The following VPS37A variants were observed in gnomAD, a reference collection of about 807,000 sequenced individuals.
VPS37A encodes the protein vacuolar protein sorting-associated protein 37A.
In VPS37A, 30 loss-of-function variants were observed where a neutral mutation model predicts 49.8. That is an observed-to-expected ratio of 0.60 (90% CI 0.45 to 0.82). The LOEUF is 0.82. VPS37A is among the 40% of genes least tolerant of loss of function. The pLI, the probability that VPS37A is intolerant of heterozygous loss-of-function variation, is 0.00. For synonymous variants in VPS37A, 195 were observed against 160.6 expected, an observed-to-expected ratio of 1.21 and a Z score of -1.62; for missense variants, 593 against 464.4, an observed-to-expected ratio of 1.28 and a Z score of -2.55.
At chr8:17,302,711 C>CG (rs1554504088), downstream of VPS37A, among the ~76,000 whole-genome samples, 2 of 68,652 alleles carry the variant, frequency 2.9e-5, no homozygotes, top group Admixed American at 1.1e-4. Context: ...TAACCCCCCC[C>CG]CCCCCGCTTT....
intron 4 of VPS37A, among the ~76,000 whole-genome samples, chr8:17,273,971 T>C (rs962935588): frequency 1.3e-5 from 2 of 152,168 alleles, no homozygotes; most frequent in Non-Finnish European, 2.9e-5. Context: ...GCCTGATCCA[T>C]ATAAACTCAC....
chr8:17,269,780 C>T (rs1017054671), intron 4 of VPS37A, among the ~76,000 whole-genome samples: 2 of 152,142 alleles, frequency 1.3e-5, no homozygotes, highest in African/African-American at 4.8e-5. Flanking sequence ...TTCCTAGTTT[C>T]TTGGTTTACT....
At chr8:17,267,015 C>G (rs147861600) in intron 2 of VPS37A, among the ~76,000 whole-genome samples, 4,157 of 152,148 alleles carry the variant, frequency 0.027, 203 homozygotes, top group African/African-American at 0.095. Flanking sequence ...TCGTGATACA[C>G]CCGCCTCGGC....
the VPS37A span, among the ~76,000 whole-genome samples, chr8:17,322,522 CA>C: frequency 6.6e-6 from 1 of 152,038 alleles, no homozygotes; most frequent in Admixed American, 6.6e-5. Flanking sequence ...AACTTTGCAA[CA>C]AATAAAAAAC....
At chr8:17,249,822 G>T (rs902870073) in intron 1 of VPS37A, among the ~76,000 whole-genome samples, 4 of 152,196 alleles carry the variant, frequency 2.6e-5, no homozygotes, top group Admixed American at 1.3e-4. Context: ...GTTTTACACT[G>T]CATGGGAGCC....
At chr8:17,304,526 T>G, downstream of VPS37A, 1 of 1,612,496 alleles carries the variant, frequency 6.2e-7, no homozygotes, top group Non-Finnish European at 8.5e-7. Context: ...AATCCTGTTA[T>G]AAAGAAAATA....
chr8:17,322,828 T>C, the VPS37A span, among the ~76,000 whole-genome samples: 1 of 152,116 alleles, frequency 6.6e-6, no homozygotes, highest in African/African-American at 2.4e-5. Flanking sequence ...CTCTCTCTTA[T>C]TTTAAAAATA....
At chr8:17,291,847 T>G (rs954995131) in intron 11 of VPS37A, among the ~76,000 whole-genome samples, 1 of 152,160 alleles carries the variant, frequency 6.6e-6, no homozygotes, top group South Asian at 2.1e-4. Context: ...GAGACTGTTA[T>G]GATTTCCATT....
intron 1 of VPS37A, among the ~76,000 whole-genome samples, chr8:17,256,717 G>A (rs1305804321): frequency 6.6e-6 from 1 of 151,656 alleles, no homozygotes; most frequent in South Asian, 2.1e-4. Flanking sequence ...CAATGGCACT[G>A]TCTCGGCTCA....
chr8:17,247,404 G>T, intron 1 of VPS37A, 35 bp downstream of exon 1: 6 of 951,834 alleles, frequency 6.3e-6, no homozygotes, highest in Non-Finnish European at 7.5e-6. Context: ...GGAGGAAAAA[G>T]TAGGGTGGGA....
intron 9 of VPS37A, 99 bp downstream of exon 9, chr8:17,280,542 T>C: frequency 9.1e-7 from 1 of 1,104,506 alleles, no homozygotes; most frequent in East Asian, 2.5e-5. Context: ...AAACCATTTA[T>C]GAGGTATCTG....
chr8:17,248,768 G>T (rs1811702681), intron 1 of VPS37A, among the ~76,000 whole-genome samples: 1 of 152,120 alleles, frequency 6.6e-6, no homozygotes. Context: ...TTGGTTCGTT[G>T]TCTCAATTGT....
the VPS37A span, among the ~76,000 whole-genome samples, chr8:17,309,720 T>G: frequency 6.6e-6 from 1 of 152,272 alleles, no homozygotes; most frequent in African/African-American, 2.4e-5. Context: ...GAGACCCCAC[T>G]TCACAGCCCA....
chr8:17,268,028 T>C (rs2150376644), intron 2 of VPS37A, among the ~76,000 whole-genome samples: 1 of 152,344 alleles, frequency 6.6e-6, no homozygotes, highest in South Asian at 2.1e-4. Context: ...ATAATTCATG[T>C]CCATATTTCA....
the VPS37A span, chr8:17,311,418 G>A: frequency 1.3e-6 from 2 of 1,528,722 alleles, no homozygotes; most frequent in Non-Finnish European, 1.8e-6. Context: ...AATAATGCTG[G>A]CAAGAAAACA....
chr8:17,273,889 G>C (rs1320917490), intron 4 of VPS37A, among the ~76,000 whole-genome samples: 3 of 152,134 alleles, frequency 2.0e-5, no homozygotes, highest in African/African-American at 2.4e-5. Flanking sequence ...TCAATGTAAA[G>C]GGAAGCATTT....
At chr8:17,268,164 A>C (rs747822649) in intron 2 of VPS37A, 94 bp from the exon 3 acceptor site, 2 of 840,244 alleles carry the variant, frequency 2.4e-6, no homozygotes, top group Non-Finnish European at 3.7e-6. Context: ...TGAAAATTTA[A>C]TTTACTTTTA....
the VPS37A span, among the ~76,000 whole-genome samples, chr8:17,311,283 T>C: frequency 5.9e-5 from 9 of 152,220 alleles, no homozygotes; most frequent in South Asian, 6.2e-4. Context: ...TTCAGTAGCA[T>C]TGACTTGAAA....
intron 9 of VPS37A, among the ~76,000 whole-genome samples, chr8:17,282,225 A>G (rs1247931939): frequency 6.6e-6 from 1 of 152,118 alleles, no homozygotes; most frequent in Non-Finnish European, 1.5e-5. Context: ...TATGTAGTTC[A>G]AAAATAGACT....
Sources: allele counts gnomAD v4.1 joint callset (sites outside exome capture counted in the v4.1 genomes callset), GRCh38; gene constraint gnomAD v4.1.1; transcripts MANE v1.5; gene names NCBI Gene and HGNC (gene_info 2026-07-23, HGNC 2026-07-21).